Variants in CAMTA1 observed in about 807,000 individuals in gnomAD.
CAMTA1 encodes calmodulin-binding transcription activator 1.
CAMTA1 carries 27 observed loss-of-function variants against 170.9 expected under a neutral mutation model. The observed-to-expected ratio is 0.16, with a 90% CI of 0.12 to 0.22. The LOEUF (loss-of-function observed/expected upper bound fraction) is 0.22, where lower values mean the gene tolerates loss of function less well. Among genes scored for constraint, CAMTA1 ranks in the 10% least tolerant of loss-of-function variants. The probability of loss-of-function intolerance (pLI) is 1.00; values close to 1 mark genes in which losing one functional copy is unlikely to be tolerated. For missense variants in CAMTA1, 1,619 were observed against 2,217.2 expected, an observed-to-expected ratio of 0.73 and a Z score of 5.42; for synonymous variants, 833 against 891.5, an observed-to-expected ratio of 0.93 and a Z score of 1.17.
intron 5 of CAMTA1, among the ~76,000 whole-genome samples, chr1:7,338,112 C>T (rs937067284): frequency 6.7e-6 from 1 of 149,414 alleles, no homozygotes; most frequent in African/African-American, 2.5e-5. Flanking sequence ...GGAACCCTGA[C>T]TCTTACAGAG....
intron 6 of CAMTA1, among the ~76,000 whole-genome samples, chr1:7,531,108 C>T (rs972444725): frequency 1.3e-5 from 2 of 149,452 alleles, no homozygotes; most frequent in Non-Finnish European, 3.0e-5. Context: ...TGAGCCACCG[C>T]GCCTGGCCAG....
intron 5 of CAMTA1, among the ~76,000 whole-genome samples, chr1:7,398,131 C>CAGAAGTT (rs2089476304): frequency 1.5e-5 from 2 of 131,778 alleles, no homozygotes; most frequent in Admixed American, 1.6e-4. Context: ...TCTCTTCCTT[C>CAGAAGTT]AGAAGTTAGA....
intron 3 of CAMTA1, among the ~76,000 whole-genome samples, chr1:7,059,981 C>G (rs1707961842): frequency 6.6e-6 from 1 of 151,966 alleles, no homozygotes; most frequent in Non-Finnish European, 1.5e-5. Flanking sequence ...AGTCACCAAC[C>G]CCAGCCTGGG....
At chr1:7,103,943 GCA>G (rs975784625) in intron 4 of CAMTA1, among the ~76,000 whole-genome samples, 5 of 118,078 alleles carry the variant, frequency 4.2e-5, no homozygotes, top group Middle Eastern at 8.9e-3. Flanking sequence ...CACACATACA[GCA>G]CACACGTACA....
At chr1:7,356,223 G>A (rs1260238182) in intron 5 of CAMTA1, among the ~76,000 whole-genome samples, 3 of 152,200 alleles carry the variant, frequency 2.0e-5, no homozygotes, top group Non-Finnish European at 4.4e-5. Flanking sequence ...TCCCTGTCCT[G>A]GATGAACATG....
Position 7,580,595 on chromosome 1 carries a change from T to C in CAMTA1, c.511-59805T>C, listed in dbSNP as rs1489610654. 2.6e-5 allele frequency among the ~76,000 whole-genome samples: 4 copies of C among 151,282 alleles called. No homozygotes were observed. Among genetic ancestry groups the C allele is most frequent in the Non-Finnish European group, 5.9e-5 (4 of 67,940 alleles). On this transcript the variant is annotated intron_variant, in intron 6 of 22. Transcript: ENST00000303635. The surrounding 1 kb of genome is among the most constrained non-coding windows in gnomAD (Gnocchi z 4.3). ...TAACAAGTGCCAAGCCCTCCCACGT[T>C]TGGGGACAGCCGTGTCAGAGACTGA...
At chr1:7,255,850 AC>A (rs1183928388) in intron 5 of CAMTA1, among the ~76,000 whole-genome samples, 3 of 152,126 alleles carry the variant, frequency 2.0e-5, no homozygotes, top group Non-Finnish European at 4.4e-5. Flanking sequence ...CCTGGCAGAT[AC>A]GTTTATCCTC....
At chr1:6,817,823 G>A (rs529583006) in intron 1 of CAMTA1, among the ~76,000 whole-genome samples, 1 of 152,220 alleles carries the variant, frequency 6.6e-6, no homozygotes, top group African/African-American at 2.4e-5. Context: ...GGTTAAATTG[G>A]AGAGGGAAAC....
chr1:6,892,009 C>T (rs1464291813), intron 3 of CAMTA1, among the ~76,000 whole-genome samples: 1 of 152,186 alleles, frequency 6.6e-6, no homozygotes, highest in African/African-American at 2.4e-5. Context: ...AGTCATTGTA[C>T]AGACACATCC....
chr1:7,610,295 C>T (rs1218010596), intron 6 of CAMTA1, among the ~76,000 whole-genome samples: 1 of 152,202 alleles, frequency 6.6e-6, no homozygotes, highest in Non-Finnish European at 1.5e-5. Flanking sequence ...GTCCCCAAAC[C>T]GGTGGCTCCC....
chr1:7,285,181 C>T (rs1382900980), intron 5 of CAMTA1, among the ~76,000 whole-genome samples: 1 of 152,192 alleles, frequency 6.6e-6, no homozygotes, highest in East Asian at 1.9e-4. Flanking sequence ...TGCACCCCTG[C>T]CCCTATCACC....
At chr1:7,259,962 T>G (rs1312550859) in intron 5 of CAMTA1, among the ~76,000 whole-genome samples, 1 of 152,222 alleles carries the variant, frequency 6.6e-6, no homozygotes. Context: ...TGGTGCCAAA[T>G]AACTACATTT....
At chr1:7,380,992 G>A (rs951359339) in intron 5 of CAMTA1, among the ~76,000 whole-genome samples, 1 of 152,166 alleles carries the variant, frequency 6.6e-6, no homozygotes, top group African/African-American at 2.4e-5. Context: ...GGTCATGCAA[G>A]GATGGCAAAG....
chr1:7,438,464 G>C (rs1260812137), intron 5 of CAMTA1, among the ~76,000 whole-genome samples: 1 of 152,170 alleles, frequency 6.6e-6, no homozygotes, highest in Non-Finnish European at 1.5e-5. Flanking sequence ...TGGCTGGAGA[G>C]ACTGGGATCC....
At chr1:7,350,154 G>A (rs921301607) in intron 5 of CAMTA1, among the ~76,000 whole-genome samples, 11 of 152,240 alleles carry the variant, frequency 7.2e-5, no homozygotes, top group African/African-American at 1.9e-4. Context: ...CCAGGCACCT[G>A]CTCTTGTTCT....
At chr1:7,648,977 G>T (rs954566358) in intron 7 of CAMTA1, among the ~76,000 whole-genome samples, 2 of 152,230 alleles carry the variant, frequency 1.3e-5, no homozygotes, top group African/African-American at 4.8e-5. Context: ...ACATCCAGGT[G>T]CGAGGAGGGC....
chr1:7,744,759 C>A, intron 16 of CAMTA1, 76 bp from the exon 17 acceptor site: 1 of 1,293,252 alleles, frequency 7.7e-7, no homozygotes, highest in Non-Finnish European at 1.1e-6. Context: ...CTCTCCAAGG[C>A]GAGGCAGGGA....
intron 3 of CAMTA1, among the ~76,000 whole-genome samples, chr1:6,900,905 C>G (rs1321865728): frequency 6.6e-6 from 1 of 152,110 alleles, no homozygotes; most frequent in Non-Finnish European, 1.5e-5. Context: ...AAACTAATTG[C>G]AAGGTTTTTA....
intron 11 of CAMTA1, among the ~76,000 whole-genome samples, chr1:7,723,748 G>T (rs751254017): frequency 4.8e-5 from 7 of 146,014 alleles, no homozygotes; most frequent in Non-Finnish European, 7.4e-5. Context: ...CTAAGGGTTA[G>T]AAAACACCAG....
Sources: gnomAD v4.1 joint callset for allele counts (sites outside exome capture counted in the v4.1 genomes callset) on GRCh38, gnomAD v4.1.1 for gene constraint, Gnocchi (gnomAD v3.1) non-coding constraint, MANE v1.5 for transcripts, NCBI Gene and HGNC (gene_info 2026-07-23, HGNC 2026-07-21) for gene names.